Variants in CDH18 observed in about 807,000 individuals in gnomAD.
CDH18 encodes the protein cadherin-18.
CDH18 carries 31 observed loss-of-function variants against 67.9 expected under a neutral mutation model. The observed-to-expected ratio is 0.46, with a 90% CI of 0.34 to 0.62. The LOEUF is 0.62. Among genes scored for constraint, CDH18 ranks in the 20% least tolerant of loss-of-function variants. The pLI is 0.01. For missense variants in CDH18, 890 were observed against 975.5 expected, an observed-to-expected ratio of 0.91 and a Z score of 1.17; for synonymous variants, 362 against 347.2, an observed-to-expected ratio of 1.04 and a Z score of -0.48.
intron 1 of CDH18, among the ~76,000 whole-genome samples, chr5:20,393,776 C>T (rs532391891): frequency 2.9e-4 from 44 of 151,636 alleles, no homozygotes; most frequent in Admixed American, 7.9e-4. Flanking sequence ...TTTACAACAG[C>T]TGCAAAAAAT....
intron 2 of CDH18, among the ~76,000 whole-genome samples, chr5:20,125,515 T>G (rs989913616): frequency 5.3e-5 from 8 of 152,186 alleles, no homozygotes; most frequent in Non-Finnish European, 1.2e-4. Context: ...TTCTTATATT[T>G]CATTGGGGAA....
rs1240149761 is a variant in CDH18 at position 20,282,164 on chromosome 5, G to A, written c.-579-26659C>T. 3.3e-5 allele frequency among the ~76,000 whole-genome samples: 5 copies of A among 152,130 alleles called. No homozygotes were observed. The South Asian group carries it at 8.3e-4, about 25-fold the overall frequency. On this transcript the variant is annotated intron_variant, in intron 1 of 14. Coordinates refer to the CDH18 transcript ENST00000507958. ...TACAATCATGTCATCTGCAAACAGA[G>A]ACAATTTGACTTCCTCTTTTCCTAA...
At chr5:20,102,492 G>A (rs1199360473) in intron 2 of CDH18, among the ~76,000 whole-genome samples, 2 of 152,148 alleles carry the variant, frequency 1.3e-5, no homozygotes, top group African/African-American at 2.4e-5. Context: ...TGGATGAAGC[G>A]GTGCTAAGCT....
At chr5:20,189,398 G>A (rs910767768) in intron 2 of CDH18, among the ~76,000 whole-genome samples, 11 of 152,040 alleles carry the variant, frequency 7.2e-5, no homozygotes, top group Middle Eastern at 3.4e-3. Context: ...CCCTAGCTTG[G>A]AAAGTTCTCT....
intron 5 of CDH18, among the ~76,000 whole-genome samples, chr5:19,707,554 G>C (rs1161331427): frequency 1.2e-4 from 18 of 152,132 alleles, no homozygotes; most frequent in Admixed American, 1.2e-3. Flanking sequence ...ACAGGAGGAA[G>C]GAACTGTTAT....
At chr5:19,817,938 T>G (rs1779465541) in intron 3 of CDH18, among the ~76,000 whole-genome samples, 1 of 152,274 alleles carries the variant, frequency 6.6e-6, no homozygotes, top group Middle Eastern at 3.4e-3. Context: ...TATGTCCCCA[T>G]AACATGTTAT....
intron 3 of CDH18, among the ~76,000 whole-genome samples, chr5:19,795,485 T>C (rs1776764907): frequency 6.6e-6 from 1 of 152,094 alleles, no homozygotes; most frequent in African/African-American, 2.4e-5. Context: ...CACCAGTGGC[T>C]CCAGATAAAC....
intron 3 of CDH18, among the ~76,000 whole-genome samples, chr5:19,827,870 A>G (rs538090142): frequency 6.6e-6 from 1 of 152,258 alleles, no homozygotes; most frequent in South Asian, 2.1e-4. Flanking sequence ...ATAACCAAAA[A>G]CAGAAGCTAA....
At chr5:20,310,501 T>C (rs1736884501) in intron 1 of CDH18, among the ~76,000 whole-genome samples, 2 of 152,208 alleles carry the variant, frequency 1.3e-5, no homozygotes, top group South Asian at 4.1e-4. Flanking sequence ...CCAGAATGTC[T>C]GGTTCAAATT....
intron 2 of CDH18, among the ~76,000 whole-genome samples, chr5:20,192,491 A>G (rs1005836673): frequency 6.6e-6 from 1 of 152,182 alleles, no homozygotes; most frequent in Admixed American, 6.5e-5. Flanking sequence ...TGGGTTTTAC[A>G]TTTAAGCCTT....
chr5:19,970,045 A>T (rs1450307424), intron 2 of CDH18, among the ~76,000 whole-genome samples: 1 of 151,984 alleles, frequency 6.6e-6, no homozygotes, highest in South Asian at 2.1e-4. Flanking sequence ...AGATACATGG[A>T]GCACTAAAAT....
At chr5:20,122,035 CT>C (rs976587539) in intron 2 of CDH18, among the ~76,000 whole-genome samples, 59 of 152,282 alleles carry the variant, frequency 3.9e-4, no homozygotes, top group African/African-American at 1.3e-3. Context: ...TCCCTCCCCC[CT>C]CTCACAATGA....
intron 9 of CDH18, among the ~76,000 whole-genome samples, chr5:19,522,515 A>G (rs1465791044): frequency 1.3e-5 from 2 of 152,194 alleles, no homozygotes; most frequent in African/African-American, 4.8e-5. Flanking sequence ...TACAAATCCA[A>G]TGAAAGTTGT....
At position 19,987,253 on chromosome 5, in the gene CDH18, AACACACACACAC is replaced by A. The variant is rs10654722; in HGVS notation, c.-376+821_-376+832del. On this transcript the variant is annotated intron_variant, in intron 1 of 12. Coordinates refer to ENST00000382275, the MANE Select transcript of CDH18 (RefSeq NM_004934.5). The stretch of plus-strand genomic sequence containing the variant: ...TGCCTAGAGCCACATCTGTACAGAC[AACACACACACAC>A]ACACACACACACACACACACACACG... 1.3e-4 allele frequency among the ~76,000 whole-genome samples: 19 copies of A among 144,356 alleles called. No individual in the cohort carries two copies. The South Asian group carries it at 2.2e-3, about 17-fold the overall frequency. 94.7% of individuals were successfully genotyped at this position (144,356 alleles called of 152,430 possible). A position where few individuals can be genotyped will look rare whatever the true frequency, so the allele number is the denominator to read the frequency against.
At chr5:20,457,043 G>T (rs1363568112) in intron 1 of CDH18, among the ~76,000 whole-genome samples, 1 of 152,096 alleles carries the variant, frequency 6.6e-6, no homozygotes, top group Non-Finnish European at 1.5e-5. Flanking sequence ...AAAAGAAGAT[G>T]GCTGTTTTAA....
At position 19,811,152 on chromosome 5, in the gene CDH18, AAGAAAGAAGG is replaced by A. The variant is rs1165621117; in HGVS notation, c.228+27597_228+27606del. Among the ~76,000 whole-genome samples, 314 of 37,476 alleles carry A rather than the reference AAGAAAGAAGG, an allele frequency of 8.4e-3. 11 individuals are homozygous for A. The highest frequency in any genetic ancestry group is 0.022 in the African/African-American group (170 of 7,816). 24.6% of individuals were successfully genotyped at this position (37,476 alleles called of 152,430 possible). On this transcript the variant is annotated intron_variant, in intron 3 of 12. Transcript: ENST00000382275. ...AAAGAAAGAAAGAAAGAAAGAAAGAAAGAAAGAAGGAGAGAAAGAAAGAGAAGAAAGAGGG... is the reference window on the plus strand; with the variant it reads ...AAAGAAAGAAAGAAAGAAAGAAAGAAAGAGAAAGAAAGAGAAGAAAGAGGG...
intron 2 of CDH18, among the ~76,000 whole-genome samples, chr5:20,088,659 C>T (rs540779535): frequency 6.6e-6 from 1 of 152,212 alleles, no homozygotes; most frequent in Non-Finnish European, 1.5e-5. Flanking sequence ...GGAGTGGAAG[C>T]ATTTCTGGAC....
At chr5:19,880,847 C>T (rs562058548) in intron 2 of CDH18, among the ~76,000 whole-genome samples, 21 of 152,116 alleles carry the variant, frequency 1.4e-4, no homozygotes, top group Admixed American at 8.5e-4. Flanking sequence ...AATAAAGATG[C>T]CATTAACTCT....
At chr5:20,391,186 T>G (rs1349463171) in intron 1 of CDH18, among the ~76,000 whole-genome samples, 1 of 152,042 alleles carries the variant, frequency 6.6e-6, no homozygotes, top group Non-Finnish European at 1.5e-5. Flanking sequence ...GCCATAAACA[T>G]GTATATAACA....
Sources: gnomAD v4.1 joint callset for allele counts (sites outside exome capture counted in the v4.1 genomes callset) on GRCh38, gnomAD v4.1.1 for gene constraint, MANE v1.5 for transcripts, NCBI Gene and HGNC (gene_info 2026-07-23, HGNC 2026-07-21) for gene names.